CPM: variants seen among roughly 807,000 people sequenced by gnomAD.
CPM encodes carboxypeptidase M.
In CPM, 35 loss-of-function variants were observed where a neutral mutation model predicts 46.4. The ratio of observed to expected loss-of-function variants is 0.75; its 90% CI spans 0.58 to 1.00. The LOEUF (loss-of-function observed/expected upper bound fraction) is 1.00. Ranked by LOEUF, CPM falls within the 50% of genes least tolerant of loss-of-function variation. CPM has a pLI of 0.00. For synonymous variants in CPM, 195 were observed against 195.3 expected (o/e 1.00, Z 0.01); for missense variants, 422 against 530.4 (o/e 0.80, Z 2.01).
At chr12:68,913,656 T>C (rs180911131) in intron 2 of CPM, 34 of 324,116 alleles carry the variant, frequency 1.0e-4, no homozygotes, top group African/African-American at 6.7e-4. Context: ...CCAGAGAGCC[T>C]AGCACATTCA....
At chr12:68,888,001 A>C (rs1016272543) in intron 2 of CPM, among the ~76,000 whole-genome samples, 1 of 152,180 alleles carries the variant, frequency 6.6e-6, no homozygotes, top group African/African-American at 2.4e-5. Flanking sequence ...TGTTGTCTGG[A>C]GCTTTACTTC....
chr12:68,843,530 A>G, intron 5 of CPM: 1 of 226,496 alleles, frequency 4.4e-6, no homozygotes, highest in East Asian at 6.4e-5. Flanking sequence ...TTAAATATGA[A>G]TCTTAAGCAA....
At chr12:68,844,511 G>A (rs1016737775) in intron 5 of CPM, 5 of 228,996 alleles carry the variant, frequency 2.2e-5, no homozygotes, top group Non-Finnish European at 3.5e-5. Context: ...ACAGGGAGGG[G>A]AGTTTGGGCT....
At chr12:68,914,109 G>A in intron 2 of CPM, 2 of 537,938 alleles carry the variant, frequency 3.7e-6, no homozygotes, top group South Asian at 3.4e-5. Context: ...ATTATAGTCA[G>A]TATACTATGG....
intron 2 of CPM, among the ~76,000 whole-genome samples, chr12:68,913,359 T>C (rs1887677254): frequency 6.6e-6 from 1 of 152,144 alleles, no homozygotes; most frequent in Non-Finnish European, 1.5e-5. Flanking sequence ...TTTGAGATAG[T>C]TGGAGTAACT....
upstream of CPM, among the ~76,000 whole-genome samples, chr12:68,934,131 C>T (rs1888623166): frequency 6.6e-6 from 1 of 152,026 alleles, no homozygotes; most frequent in South Asian, 2.1e-4. Context: ...TCCCTCTCTC[C>T]CCCTTTCTCC....
intron 3 of CPM, among the ~76,000 whole-genome samples, chr12:68,877,001 G>T (rs778635954): frequency 1.3e-5 from 2 of 152,018 alleles, no homozygotes; most frequent in South Asian, 2.1e-4. Flanking sequence ...TGCAGCTTCT[G>T]GGGGGAAAGT....
At chr12:68,932,610 G>C in intron 2 of CPM, 68 bp downstream of exon 2, 1 of 1,567,398 alleles carries the variant, frequency 6.4e-7, no homozygotes. Context: ...AGGAAGCTGG[G>C]GCATATTTAA....
intron 1 of CPM, among the ~76,000 whole-genome samples, chr12:68,943,026 A>T (rs1888789307): frequency 6.6e-6 from 1 of 152,194 alleles, no homozygotes; most frequent in Admixed American, 6.5e-5. Flanking sequence ...CCCCCATGGC[A>T]TCTAGGTCAG....
At chr12:68,916,888 CAAAAA>C (rs779418018) in intron 2 of CPM, among the ~76,000 whole-genome samples, 1 of 82,144 alleles carries the variant, frequency 1.2e-5, no homozygotes. Flanking sequence ...ACTCTTGTCT[CAAAAA>C]AAAAAAAAAA....
At chr12:68,845,091 A>T (rs934375111) in intron 5 of CPM, 41 of 219,614 alleles carry the variant, frequency 1.9e-4, no homozygotes, top group Admixed American at 6.4e-4. Context: ...AAAGATAATT[A>T]GTGTGTAGGT....
intron 3 of CPM, among the ~76,000 whole-genome samples, chr12:68,880,761 AG>A (rs1419016814): frequency 6.6e-6 from 1 of 152,192 alleles, no homozygotes; most frequent in African/African-American, 2.4e-5. Flanking sequence ...CAAAGAAACG[AG>A]GCCTAAAATG....
chr12:68,856,346 G>C lies in CPM; in HGVS notation c.*91C>G. 7.2e-7 allele frequency: 1 copy of C among 1,389,418 alleles called. No homozygotes were observed. Among genetic ancestry groups the C allele is most frequent in the African/African-American group, 1.4e-5 (1 of 69,230 alleles). 86.1% of individuals were successfully genotyped at this position (1,389,418 alleles called of 1,614,324 possible). On this transcript the variant is annotated 3_prime_UTR_variant, in exon 9 of 9. Coordinates refer to ENST00000551568, the MANE Select transcript of CPM (RefSeq NM_198320.5). Reference sequence around the variant, plus strand: ...AAGATCGTGGAGTTTCTCCAGTCAAGGTCCCACTAGAGTGAGTTAGGGTTG... The same window carrying C: ...AAGATCGTGGAGTTTCTCCAGTCAACGTCCCACTAGAGTGAGTTAGGGTTG...
At chr12:68,950,371 A>G (rs755433725) in intron 1 of CPM, among the ~76,000 whole-genome samples, 30 of 152,218 alleles carry the variant, frequency 2.0e-4, no homozygotes, top group Non-Finnish European at 2.5e-4. Context: ...GGTTTCAGGA[A>G]ATGGAAATCT....
rs974429545 is a variant in CPM at position 68,852,697 on chromosome 12, A to C, written c.*3740T>G. ...CTCAGCCTCCCAAGTAGCTGGGATT[A>C]CAGGTGCCTGCCACCACGCCCGGCT... On this transcript the variant is annotated 3_prime_UTR_variant, in exon 9 of 9. Coordinates refer to ENST00000551568, the MANE Select transcript of CPM (RefSeq NM_198320.5). 1 of 152,000 alleles carries C rather than the reference A, an allele frequency of 6.6e-6. No individual in the cohort carries two copies. Among genetic ancestry groups the C allele is most frequent in the Non-Finnish European group, 1.5e-5 (1 of 68,188 alleles). 9.4% of individuals were successfully genotyped at this position (152,000 alleles called of 1,614,324 possible).
At chr12:68,938,226 T>C (rs1462870690) in intron 1 of CPM, among the ~76,000 whole-genome samples, 7 of 152,078 alleles carry the variant, frequency 4.6e-5, no homozygotes. Flanking sequence ...AACTTACAAA[T>C]TTTACTTACC....
intron 2 of CPM, among the ~76,000 whole-genome samples, chr12:68,897,623 G>C (rs1651188280): frequency 6.6e-6 from 1 of 151,628 alleles, no homozygotes; most frequent in Non-Finnish European, 1.5e-5. Context: ...TGTAATCCCA[G>C]CTACTCAGGA....
chr12:68,914,467 A>C (rs1250925906), intron 2 of CPM, among the ~76,000 whole-genome samples: 3 of 152,172 alleles, frequency 2.0e-5, no homozygotes, highest in African/African-American at 7.2e-5. Flanking sequence ...TTGCCTAGAA[A>C]ATGAGACCAG....
At chr12:68,878,552 T>C (rs1249742823) in intron 3 of CPM, among the ~76,000 whole-genome samples, 1 of 152,190 alleles carries the variant, frequency 6.6e-6, no homozygotes, top group Admixed American at 6.5e-5. Context: ...TGACACCCTA[T>C]GATTTCGTCT....
Sources: gnomAD v4.1 joint callset for allele counts (sites outside exome capture counted in the v4.1 genomes callset) on GRCh38, gnomAD v4.1.1 for gene constraint, MANE v1.5 for transcripts, NCBI Gene and HGNC (gene_info 2026-07-23, HGNC 2026-07-21) for gene names.